The following MLLT3 variants were observed in gnomAD, a reference collection of about 807,000 sequenced individuals.
The protein encoded by MLLT3 is protein AF-9.
MLLT3 carries 4 observed loss-of-function variants against 53.2 expected under a neutral mutation model. The ratio of observed to expected loss-of-function variants is 0.08; its 90% CI spans 0.04 to 0.17. The LOEUF is 0.17. MLLT3 is among the 10% of genes least tolerant of loss of function. The pLI is 1.00. For synonymous variants in MLLT3, 283 were observed against 230.6 expected (o/e 1.23, Z -2.06); for missense variants, 569 against 684.0 (o/e 0.83, Z 1.87).
chr9:20,355,289 T>C (rs1229092509), intron 8 of MLLT3, among the ~76,000 whole-genome samples: 1 of 152,148 alleles, frequency 6.6e-6, no homozygotes. Context: ...TAGTGTTCAG[T>C]ATGCTAGGGA....
chr9:20,387,636 T>C (rs903019368), intron 5 of MLLT3, among the ~76,000 whole-genome samples: 8 of 152,232 alleles, frequency 5.3e-5, no homozygotes, highest in Non-Finnish European at 1.2e-4. Context: ...AATTGTGATA[T>C]ATTATCCTGA....
intron 4 of MLLT3, among the ~76,000 whole-genome samples, chr9:20,442,699 A>G (rs1164421846): frequency 6.6e-6 from 1 of 152,144 alleles, no homozygotes; most frequent in Non-Finnish European, 1.5e-5. Context: ...GCCCTTTAAT[A>G]AGCAAAACCC....
At chr9:20,474,111 G>A (rs992308912) in intron 2 of MLLT3, among the ~76,000 whole-genome samples, 3 of 151,946 alleles carry the variant, frequency 2.0e-5, no homozygotes, top group East Asian at 1.9e-4. Flanking sequence ...TGTCTTTTTC[G>A]GTCTCTTGGC....
chr9:20,364,844 G>A (rs1421966127), intron 6 of MLLT3, among the ~76,000 whole-genome samples: 1 of 152,128 alleles, frequency 6.6e-6, no homozygotes, highest in East Asian at 1.9e-4. Context: ...CATTTTTCAT[G>A]TAAAAAGAGT....
At position 20,342,591 on chromosome 9, in the gene MLLT3, T is replaced by C. The variant is rs1820761882; in HGVS notation, c.*3852A>G. 1 of 218,526 alleles carries C rather than the reference T, an allele frequency of 4.6e-6. No individual in the cohort carries two copies. The highest frequency in any genetic ancestry group is 2.3e-5 in the African/African-American group (1 of 44,394). The allele number at this position is 218,526 out of a possible 1,614,324, so 13.5% of individuals were successfully genotyped here. Reference sequence around the variant, plus strand: ...GTTTACAGACAGCGGTGGCTTTGTCTTCCTTTTAAATTGACTTCTTCACTG... The same window carrying C: ...GTTTACAGACAGCGGTGGCTTTGTCCTCCTTTTAAATTGACTTCTTCACTG... On this transcript the variant is annotated 3_prime_UTR_variant, in exon 11 of 11. Transcript: ENST00000380338.
chr9:20,447,568 C>T (rs1823736243), intron 4 of MLLT3, among the ~76,000 whole-genome samples: 1 of 152,122 alleles, frequency 6.6e-6, no homozygotes, highest in South Asian at 2.1e-4. Context: ...AGTCAAATCA[C>T]AAGGGCAAAA....
intron 5 of MLLT3, among the ~76,000 whole-genome samples, chr9:20,369,223 A>G (rs1010756150): frequency 3.3e-5 from 5 of 152,160 alleles, no homozygotes; most frequent in African/African-American, 4.8e-5. Flanking sequence ...GGAGAAGCCT[A>G]TATATGAGGA....
At chr9:20,438,039 T>A (rs80341686) in intron 4 of MLLT3, among the ~76,000 whole-genome samples, 2 of 152,120 alleles carry the variant, frequency 1.3e-5, no homozygotes, top group African/African-American at 4.8e-5. Flanking sequence ...TTTATAGATA[T>A]CTATGAATGC....
chr9:20,519,506 A>G (rs1818003576), intron 2 of MLLT3, among the ~76,000 whole-genome samples: 1 of 152,316 alleles, frequency 6.6e-6, no homozygotes, highest in South Asian at 2.1e-4. Context: ...TATATGATAT[A>G]CAATGACGTA....
chr9:20,365,185 G>A (rs1393987641), intron 6 of MLLT3, among the ~76,000 whole-genome samples: 1 of 152,104 alleles, frequency 6.6e-6, no homozygotes. Context: ...CGGAAAAAGG[G>A]GAATTTCTAG....
At chr9:20,569,580 A>G (rs1389143449) in intron 2 of MLLT3, among the ~76,000 whole-genome samples, 1 of 152,178 alleles carries the variant, frequency 6.6e-6, no homozygotes, top group African/African-American at 2.4e-5. Context: ...AATATGCTTG[A>G]TATTTCAAAA....
chr9:20,587,913 G>C (rs1820018069), intron 2 of MLLT3, among the ~76,000 whole-genome samples: 1 of 151,936 alleles, frequency 6.6e-6, no homozygotes, highest in Admixed American at 6.6e-5. Flanking sequence ...TGAAGTCCTT[G>C]CCCATGCCTA....
chr9:20,476,702 T>C (rs1824530295), intron 2 of MLLT3, among the ~76,000 whole-genome samples: 1 of 152,146 alleles, frequency 6.6e-6, no homozygotes, highest in African/African-American at 2.4e-5. Flanking sequence ...TGAAAAACTT[T>C]TTACATTTGA....
At chr9:20,349,863 C>A (rs80276077) in intron 10 of MLLT3, among the ~76,000 whole-genome samples, 2 of 152,130 alleles carry the variant, frequency 1.3e-5, no homozygotes, top group African/African-American at 2.4e-5. Flanking sequence ...ATGAGCCCCA[C>A]GTTTTTATGA....
At chr9:20,358,811 A>G (rs577693914) in intron 8 of MLLT3, among the ~76,000 whole-genome samples, 26 of 152,272 alleles carry the variant, frequency 1.7e-4, no homozygotes, top group African/African-American at 5.1e-4. Context: ...TAGCTCTCAT[A>G]TACCACCCAC....
chr9:20,534,248 C>T (rs930709100), intron 2 of MLLT3, among the ~76,000 whole-genome samples: 1 of 152,070 alleles, frequency 6.6e-6, no homozygotes, highest in African/African-American at 2.4e-5. Flanking sequence ...AGAACTGACC[C>T]AACTTTTAAA....
rs562758305 is a variant in MLLT3 at position 20,376,678 on chromosome 9, G to C, written c.1126-10934C>G. Among the ~76,000 whole-genome samples the C allele has an allele frequency of 2.6e-5, 4 of 152,224 alleles. No individual in the cohort carries two copies. In the South Asian group the frequency reaches 8.3e-4, roughly 32 times the overall value. Reference sequence around the variant, plus strand: ...TCCATAAGACCCTTTTCCACACTTAGGGATGGCTATCATTTTCTTTCAGCT... The same window carrying C: ...TCCATAAGACCCTTTTCCACACTTACGGATGGCTATCATTTTCTTTCAGCT... On this transcript the variant is annotated intron_variant, in intron 5 of 10. Transcript: ENST00000380338.
At chr9:20,509,830 C>T (rs1315487200) in intron 2 of MLLT3, among the ~76,000 whole-genome samples, 1 of 151,482 alleles carries the variant, frequency 6.6e-6, no homozygotes, top group Non-Finnish European at 1.5e-5. Flanking sequence ...TGTAAAAGAA[C>T]TGTCAATCAG....
At chr9:20,529,333 C>G (rs1231661165) in intron 2 of MLLT3, among the ~76,000 whole-genome samples, 1 of 152,188 alleles carries the variant, frequency 6.6e-6, no homozygotes, top group African/African-American at 2.4e-5. Flanking sequence ...GCAACCACCT[C>G]TTCTCGTTAG....
Sources: gnomAD v4.1 joint callset for allele counts (sites outside exome capture counted in the v4.1 genomes callset) on GRCh38, gnomAD v4.1.1 for gene constraint, MANE v1.5 for transcripts, NCBI Gene and HGNC (gene_info 2026-07-23, HGNC 2026-07-21) for gene names.